The following LRRC7 variants were observed in gnomAD, a reference collection of about 807,000 sequenced individuals.
LRRC7 encodes leucine rich repeat containing 7.
Under a neutral mutation model 175.7 loss-of-function variants are expected in LRRC7, and 23 were observed. The ratio of observed to expected loss-of-function variants is 0.13; its 90% confidence interval spans 0.09 to 0.19. The LOEUF (loss-of-function observed/expected upper bound fraction) is 0.19, where lower values mean the gene tolerates loss of function less well. Among genes scored for constraint, LRRC7 ranks in the 10% least tolerant of loss-of-function variants. LRRC7 has a pLI of 1.00. For synonymous variants in LRRC7, 685 were observed against 680.9 expected, an observed-to-expected ratio of 1.01 and a Z score of -0.09; for missense variants, 1,354 against 1,904.7, an observed-to-expected ratio of 0.71 and a Z score of 5.38.
Position 69,876,971 on chromosome 1 carries a change from A to G in LRRC7, c.647+38688A>G, listed in dbSNP as rs377019523. On this transcript the variant is annotated intron_variant, in intron 7 of 26. Coordinates refer to ENST00000651989, the MANE Select transcript of LRRC7 (RefSeq NM_001370785.2). The stretch of plus-strand genomic sequence containing the variant: ...TTTCTTAGTCCTATCTGTAAAGTCC[A>G]GGTGAAGCCTGAGGAGTCTTTCAAA... Among the ~76,000 whole-genome samples, 73 of 152,306 alleles carry G rather than the reference A, an allele frequency of 4.8e-4. 1 individual carries two copies. Among genetic ancestry groups the G allele is most frequent in the African/African-American group, 1.6e-3 (65 of 41,580 alleles).
At chr1:69,616,107 G>C (rs1404428842) in intron 1 of LRRC7, among the ~76,000 whole-genome samples, 2 of 152,012 alleles carry the variant, frequency 1.3e-5, no homozygotes, top group African/African-American at 4.8e-5. Flanking sequence ...TTAGCATTGT[G>C]AAGTATACAA....
chr1:70,039,851 G>A lies in LRRC7; in HGVS notation c.3969+58G>A, dbSNP rs182480250. The A allele has an allele frequency of 2.6e-6, 4 of 1,515,824 alleles. No homozygotes were observed. In the East Asian group the frequency reaches 9.1e-5, roughly 34 times the overall value. 93.9% of individuals were successfully genotyped at this position (1,515,824 alleles called of 1,614,324 possible). A position where few individuals can be genotyped will look rare whatever the true frequency, so the allele number is the denominator to read the frequency against. On this transcript the variant is annotated intron_variant, in intron 21 of 26. Coordinates refer to ENST00000651989, the MANE Select transcript of LRRC7 (RefSeq NM_001370785.2). ...TCCTGCCTTTAGTGTTACTTTATTG[G>A]CATTTCTAAGCACATGTAGTGAAGC...
chr1:69,750,947 T>C (rs2100896468), intron 2 of LRRC7, among the ~76,000 whole-genome samples: 1 of 152,286 alleles, frequency 6.6e-6, no homozygotes, highest in South Asian at 2.1e-4. Flanking sequence ...GAGTTCTTAA[T>C]ATGCTAATGC....
At chr1:70,107,594 G>A (rs953223830) in intron 25 of LRRC7, among the ~76,000 whole-genome samples, 158 bp from the exon 26 acceptor site, 14 of 152,166 alleles carry the variant, frequency 9.2e-5, no homozygotes, top group Admixed American at 5.2e-4. Context: ...GACTTGGAGA[G>A]TGCTGCCTTG....
rs145453907 is a variant in LRRC7 at position 69,927,821 on chromosome 1, C to T, written c.648-3686C>T. Among the ~76,000 whole-genome samples, 18 of 152,016 alleles carry T rather than the reference C, an allele frequency of 1.2e-4. No homozygotes were observed. The East Asian group carries it at 1.8e-3, about 15-fold the overall frequency. On this transcript the variant is annotated intron_variant, in intron 7 of 26. Coordinates refer to ENST00000651989, the MANE Select transcript of LRRC7 (RefSeq NM_001370785.2). Reference sequence around the variant, plus strand: ...CTTCTCTCAACTCATCAAAGTCATACGCCGTCCAGCTTTGTTCCATTGCTG... The same window carrying T: ...CTTCTCTCAACTCATCAAAGTCATATGCCGTCCAGCTTTGTTCCATTGCTG...
chr1:69,876,847 T>A (rs182108445), intron 7 of LRRC7, among the ~76,000 whole-genome samples: 15 of 152,258 alleles, frequency 9.9e-5, no homozygotes, highest in Admixed American at 3.3e-4. Flanking sequence ...TAAGGTCTGA[T>A]AAGGAACAGA....
intron 1 of LRRC7, among the ~76,000 whole-genome samples, chr1:69,616,458 CT>C (rs35055501): frequency 1.3e-5 from 2 of 151,942 alleles, no homozygotes; most frequent in Non-Finnish European, 2.9e-5. Flanking sequence ...AACCTTCAAG[CT>C]TTTTGTGAGT....
intron 3 of LRRC7, among the ~76,000 whole-genome samples, chr1:69,785,308 G>A (rs1033211879): frequency 4.6e-5 from 7 of 152,002 alleles, no homozygotes; most frequent in Admixed American, 3.3e-4. Flanking sequence ...CTCTAGTAAT[G>A]TATTTTGCCT....
At chr1:69,995,148 A>C (rs977648485) in intron 11 of LRRC7, among the ~76,000 whole-genome samples, 27 of 152,274 alleles carry the variant, frequency 1.8e-4, no homozygotes, top group African/African-American at 5.8e-4. Context: ...ATGAAAGTCT[A>C]ACATTGCCTT....
chr1:69,781,735 G>GAAAGAA (rs774259601), intron 3 of LRRC7, among the ~76,000 whole-genome samples: 165 of 28,592 alleles, frequency 5.8e-3, no homozygotes, highest in Non-Finnish European at 7.4e-3. Context: ...AAGAAAGAAA[G>GAAAGAA]AGAGAGAGAG....
intron 7 of LRRC7, among the ~76,000 whole-genome samples, chr1:69,847,257 G>C (rs1682470937): frequency 6.6e-6 from 1 of 151,928 alleles, no homozygotes; most frequent in African/African-American, 2.4e-5. Context: ...AATAAATGTA[G>C]TATTTTTCCT....
At chr1:69,649,985 G>A (rs568815428) in intron 1 of LRRC7, among the ~76,000 whole-genome samples, 24 of 152,192 alleles carry the variant, frequency 1.6e-4, no homozygotes, top group African/African-American at 4.1e-4. Context: ...GCAAGCATGC[G>A]ATAAGAGATG....
intron 2 of LRRC7, among the ~76,000 whole-genome samples, chr1:69,740,549 TAGA>T (rs1170846791): frequency 1.3e-5 from 2 of 152,068 alleles, no homozygotes; most frequent in African/African-American, 2.4e-5. Context: ...AGCCAAGTGG[TAGA>T]AGATTTACGG....
intron 23 of LRRC7, among the ~76,000 whole-genome samples, chr1:70,059,474 A>ATGTGT (rs1661405690): frequency 7.6e-4 from 101 of 132,284 alleles, no homozygotes; most frequent in Middle Eastern, 4.0e-3. Context: ...ACTAGAAGAA[A>ATGTGT]GTGTGTGTGT....
Position 69,767,955 on chromosome 1 carries a change from A to G in LRRC7, c.303+7562A>G, listed in dbSNP as rs574332659. 9.2e-5 allele frequency among the ~76,000 whole-genome samples: 14 copies of G among 152,254 alleles called. No individual in the cohort carries two copies. The South Asian group carries it at 1.5e-3, about 16-fold the overall frequency. ...CTAGGTGAGGGAAAAAAAAACAGACATTAAGAAGCCACATCCAGGTGAGGG... is the reference window on the plus strand; with the variant it reads ...CTAGGTGAGGGAAAAAAAAACAGACGTTAAGAAGCCACATCCAGGTGAGGG... On this transcript the variant is annotated intron_variant, in intron 3 of 26. Coordinates refer to ENST00000651989, the MANE Select transcript of LRRC7 (RefSeq NM_001370785.2).
In LRRC7 at chr1:69,678,392, T is replaced by C. The variant is rs1660059658; in HGVS notation, c.14T>C (p.Leu5Pro). The C allele has an allele frequency of 1.3e-6, 2 of 1,594,540 alleles. No homozygotes were observed. Among genetic ancestry groups the C allele is most frequent in the Admixed American group, 3.5e-5 (2 of 57,746 alleles). ...ATTCTCTCTTATAGGATGGAGAACC[T>C]AATAAGGGGAAGGAATCCCCCGCAA... is the stretch of plus-strand genomic sequence containing the variant. The part of the protein sequence containing the change: MMEN[L>P]IRGRNPPQYQ... Residue 5 changes from leucine (L) to proline (P), a missense_variant, in exon 2 of 27, where the codon CTA becomes CCA. Leu to Pro is a moderately conservative substitution (Grantham distance 98, BLOSUM62 -3). Around this residue, in one of 4 missense-constraint regions of LRRC7, gnomAD observed 68 missense variants for 83.4 expected, o/e 0.82. Coordinates refer to ENST00000651989, the MANE Select transcript of LRRC7 (RefSeq NM_001370785.2).
At chr1:69,926,932 G>A (rs1002688185) in intron 7 of LRRC7, among the ~76,000 whole-genome samples, 1 of 152,160 alleles carries the variant, frequency 6.6e-6, no homozygotes, top group Non-Finnish European at 1.5e-5. Context: ...GCATGATTTT[G>A]CAGTGGCTGG....
intron 3 of LRRC7, among the ~76,000 whole-genome samples, chr1:69,766,265 A>G (rs1441420945): frequency 6.6e-6 from 1 of 152,136 alleles, no homozygotes; most frequent in Admixed American, 6.6e-5. Flanking sequence ...CAACATCCCA[A>G]CTGATTTTGA....
chr1:69,979,092 T>C (rs1041097073), intron 8 of LRRC7, among the ~76,000 whole-genome samples: 1 of 152,152 alleles, frequency 6.6e-6, no homozygotes, highest in Admixed American at 6.6e-5. Context: ...AGAAAAGCAA[T>C]AAGCAATAGT....
Sources: gnomAD v4.1 joint callset for allele counts (sites outside exome capture counted in the v4.1 genomes callset) on GRCh38, gnomAD v4.1.1 for gene constraint, gnomAD v4.1.1 regional missense constraint, MANE v1.5 for transcripts, NCBI Gene and HGNC (gene_info 2026-07-23, HGNC 2026-07-21) for gene names.